Variants in LRRC37A2 observed in about 807,000 individuals in gnomAD.
The protein encoded by LRRC37A2 is leucine-rich repeat-containing protein 37A2.
A neutral mutation model predicts 68.8 loss-of-function variants in LRRC37A2; 9 were observed. The ratio of observed to expected loss-of-function variants is 0.13; its 90% confidence interval spans 0.08 to 0.23. The LOEUF is 0.23. LRRC37A2 is among the 10% of genes least tolerant of loss of function. LRRC37A2 has a pLI of 1.00. For synonymous variants in LRRC37A2, 63 were observed against 367.6 expected (o/e 0.17, Z 9.48); for missense variants, 168 against 950.4 (o/e 0.18, Z 10.82).
At chr17:46,814,781 A>G in the LRRC37A2 span, among the ~76,000 whole-genome samples, 1 of 152,126 alleles carries the variant, frequency 6.6e-6, no homozygotes, top group Non-Finnish European at 1.5e-5. Context: ...TTGACTGAAC[A>G]TGTTCACAAG....
the LRRC37A2 span, chr17:46,923,268 A>AG: frequency 1.9e-6 from 3 of 1,550,322 alleles, no homozygotes; most frequent in Admixed American, 5.9e-5. Context: ...AGGCGAGGCC[A>AG]GGTGAGCCTG....
chr17:46,951,055 C>G, the LRRC37A2 span, among the ~76,000 whole-genome samples: 552 of 152,322 alleles, frequency 3.6e-3, 4 homozygotes, highest in South Asian at 7.0e-3. Flanking sequence ...GTACCATGTT[C>G]ATGCCAGGCA....
chr17:46,929,642 C>A, the LRRC37A2 span: 8 of 860,870 alleles, frequency 9.3e-6, no homozygotes, highest in Non-Finnish European at 1.6e-5. Flanking sequence ...TGCTAATGGG[C>A]TGGGCTTCCT....
chr17:46,962,223 G>A, the LRRC37A2 span, among the ~76,000 whole-genome samples: 3 of 151,972 alleles, frequency 2.0e-5, no homozygotes, highest in Admixed American at 6.6e-5. Context: ...TAGCTACTCA[G>A]GAGGCTGAGG....
chr17:46,851,942 C>T, the LRRC37A2 span, among the ~76,000 whole-genome samples: 1 of 152,184 alleles, frequency 6.6e-6, no homozygotes, highest in East Asian at 1.9e-4. This position sits in a 1 kb window ranked among gnomAD's most constrained non-coding sequence, Gnocchi z 4.3. Context: ...GTGTCCGAGT[C>T]TCTGGTCGCC....
chr17:46,745,123 G>GGTC, the LRRC37A2 span, among the ~76,000 whole-genome samples: 1 of 152,126 alleles, frequency 6.6e-6, no homozygotes, highest in Admixed American at 6.5e-5. Flanking sequence ...GGAAGGTGGA[G>GGTC]GTCCCCTCTT....
chr17:46,828,440 C>T, the LRRC37A2 span, among the ~76,000 whole-genome samples: 2 of 151,974 alleles, frequency 1.3e-5, no homozygotes, highest in African/African-American at 2.4e-5. Flanking sequence ...TGAGCTCAAG[C>T]GATCCATCCA....
the LRRC37A2 span, chr17:46,966,383 C>G: frequency 1.8e-6 from 1 of 551,730 alleles, no homozygotes; most frequent in South Asian, 2.5e-5. Flanking sequence ...CACACCTCTT[C>G]AAGGCCCTCA....
chr17:46,986,967 CA>C, the LRRC37A2 span, among the ~76,000 whole-genome samples: 4 of 152,202 alleles, frequency 2.6e-5, no homozygotes, highest in East Asian at 1.9e-4. Flanking sequence ...AGTTGCAGGC[CA>C]GGGGGGGTGG....
At chr17:46,844,989 C>T in the LRRC37A2 span, among the ~76,000 whole-genome samples, 5 of 152,166 alleles carry the variant, frequency 3.3e-5, no homozygotes, top group Middle Eastern at 3.4e-3. Flanking sequence ...CTGGGACTAC[C>T]GGCATGCACC....
At chr17:46,844,832 T>TTC in the LRRC37A2 span, among the ~76,000 whole-genome samples, 1 of 150,100 alleles carries the variant, frequency 6.7e-6, no homozygotes, top group Non-Finnish European at 1.5e-5. Flanking sequence ...CCTTCCTTCC[T>TTC]CTTTCTTCTT....
the LRRC37A2 span, chr17:47,018,615 C>T: frequency 6.6e-7 from 1 of 1,520,432 alleles, no homozygotes; most frequent in South Asian, 1.1e-5. Flanking sequence ...TTTAGCAGTT[C>T]AACAGGAGAC....
chr17:46,829,203 T>C, the LRRC37A2 span, among the ~76,000 whole-genome samples: 2 of 152,180 alleles, frequency 1.3e-5, no homozygotes, highest in African/African-American at 4.8e-5. Flanking sequence ...GTTTCACTCT[T>C]GTCACCCAGG....
chr17:46,773,566 C>G, the LRRC37A2 span: 2 of 1,341,996 alleles, frequency 1.5e-6, no homozygotes, highest in African/African-American at 1.5e-5. Context: ...CAGAGGGACC[C>G]TGGCTTCAGA....
At chr17:46,779,103 A>ACACACACACACACAC in the LRRC37A2 span, among the ~76,000 whole-genome samples, 211 of 133,624 alleles carry the variant, frequency 1.6e-3, 4 homozygotes, top group African/African-American at 5.6e-3. Flanking sequence ...ACACACACAC[A>ACACACACACACACAC]CCCCAGCCCA....
the LRRC37A2 span, among the ~76,000 whole-genome samples, chr17:47,022,166 C>CTTTTTTTTTT: frequency 3.7e-3 from 59 of 15,840 alleles, 3 homozygotes; most frequent in East Asian, 0.02. Flanking sequence ...CCTTTTTGTT[C>CTTTTTTTTTT]TCTTTTTTTT....
chr17:46,889,449 G>C, the LRRC37A2 span, among the ~76,000 whole-genome samples: 1 of 152,252 alleles, frequency 6.6e-6, no homozygotes, highest in South Asian at 2.1e-4. Flanking sequence ...TGGAAGTCAC[G>C]TCTTAACCCA....
At chr17:46,878,861 C>T in the LRRC37A2 span, among the ~76,000 whole-genome samples, 2,523 of 152,330 alleles carry the variant, frequency 0.017, 60 homozygotes, top group African/African-American at 0.052. Context: ...CTAACATGGA[C>T]ACCCCAAGTC....
the LRRC37A2 span, among the ~76,000 whole-genome samples, chr17:46,822,900 A>T: frequency 6.6e-6 from 1 of 151,690 alleles, no homozygotes; most frequent in South Asian, 2.1e-4. Flanking sequence ...TCCCGAGATC[A>T]CAGGGGCCGC....
Sources: allele counts gnomAD v4.1 joint callset (sites outside exome capture counted in the v4.1 genomes callset), GRCh38; gene constraint gnomAD v4.1.1; non-coding constraint Gnocchi (gnomAD v3.1); transcripts MANE v1.5; gene names NCBI Gene and HGNC (gene_info 2026-07-23, HGNC 2026-07-21).